Variants in PPIL4 observed in about 807,000 individuals in gnomAD.
PPIL4 encodes peptidylprolyl isomerase like 4.
A neutral mutation model predicts 69.1 loss-of-function variants in PPIL4; 50 were observed. The ratio of observed to expected loss-of-function variants is 0.72; its 90% CI spans 0.58 to 0.92. The LOEUF is 0.92. Ranked by LOEUF, PPIL4 falls within the 40% of genes least tolerant of loss-of-function variation. The pLI, the probability that PPIL4 is intolerant of heterozygous loss-of-function variation, is 0.00. For synonymous variants in PPIL4, 193 were observed against 191.6 expected, an observed-to-expected ratio of 1.01 and a Z score of -0.06; for missense variants, 480 against 587.9, an observed-to-expected ratio of 0.82 and a Z score of 1.90.
intron 10 of PPIL4, among the ~76,000 whole-genome samples, chr6:149,518,646 A>G (rs556427351): frequency 1.3e-4 from 20 of 152,360 alleles, no homozygotes; most frequent in African/African-American, 4.6e-4. Flanking sequence ...GTCTACTGCA[A>G]GAGTTAAAAT....
intron 7 of PPIL4, among the ~76,000 whole-genome samples, chr6:149,528,145 A>C (rs577017883): frequency 6.6e-6 from 1 of 152,340 alleles, no homozygotes; most frequent in South Asian, 2.1e-4. Context: ...CTAGCTATTC[A>C]GAAGGTTGGA....
chr6:149,537,184 G>C (rs1266390872), intron 4 of PPIL4, among the ~76,000 whole-genome samples: 1 of 151,158 alleles, frequency 6.6e-6, no homozygotes, highest in Non-Finnish European at 1.5e-5. Flanking sequence ...ATCTAGCTAA[G>C]ATCACTGATG....
Position 149,506,625 on chromosome 6 carries a change from T to C in PPIL4, c.1228-921A>G, listed in dbSNP as rs1209001694. Among the ~76,000 whole-genome samples the C allele has an allele frequency of 5.9e-5, 9 of 152,286 alleles. No individual in the cohort carries two copies. The East Asian group carries it at 1.7e-3, about 29-fold the overall frequency. On this transcript the variant is annotated intron_variant, in intron 12 of 12. Coordinates refer to ENST00000253329, the MANE Select transcript of PPIL4 (RefSeq NM_139126.4). ...GGAGAATTTTTTTTGAGACAAGGTC[T>C]TGCTGTCTCCCAGGCAGGAATGCAG...
chr6:149,509,472 C>T (rs1345159759), intron 12 of PPIL4, among the ~76,000 whole-genome samples: 1 of 152,124 alleles, frequency 6.6e-6, no homozygotes, highest in East Asian at 1.9e-4. Context: ...AAAAGCAGCA[C>T]ATGGAGGGGG....
At chr6:149,516,409 T>G (rs928545537) in intron 11 of PPIL4, among the ~76,000 whole-genome samples, 1 of 152,098 alleles carries the variant, frequency 6.6e-6, no homozygotes, top group African/African-American at 2.4e-5. Flanking sequence ...AAAACATGAA[T>G]ATAGACCAGG....
intron 9 of PPIL4, among the ~76,000 whole-genome samples, chr6:149,523,831 T>C (rs191795417): frequency 2.6e-5 from 4 of 152,338 alleles, no homozygotes; most frequent in Admixed American, 2.6e-4. Flanking sequence ...GTGTCAATGA[T>C]AGAATGCTAG....
intron 9 of PPIL4, among the ~76,000 whole-genome samples, chr6:149,521,386 G>A (rs927660887): frequency 1.3e-5 from 2 of 152,188 alleles, no homozygotes; most frequent in African/African-American, 4.8e-5. Context: ...GAAAACAGAA[G>A]TTTAGAGAAG....
At position 149,536,759 on chromosome 6, in the gene PPIL4, A is replaced by G. The variant is rs1455614261; in HGVS notation, c.322-1021T>C. Among the ~76,000 whole-genome samples, 3 of 152,074 alleles carry G rather than the reference A, an allele frequency of 2.0e-5. No individual in the cohort carries two copies. The East Asian group carries it at 5.8e-4, about 29-fold the overall frequency. ...ATCTCAAAAAAAAAAAAAAAAGAAA[A>G]GAAAAATTTAAGGAAAGAAGCTGTC... On this transcript the variant is annotated intron_variant, in intron 4 of 12. Transcript: ENST00000253329.
intron 4 of PPIL4, among the ~76,000 whole-genome samples, chr6:149,540,086 ACCACTGCACT>A (rs1777337738): frequency 6.6e-6 from 1 of 151,848 alleles, no homozygotes; most frequent in South Asian, 2.1e-4. Flanking sequence ...CCGAGATCAC[ACCACTGCACT>A]CCAGCCTGGC....
intron 7 of PPIL4, among the ~76,000 whole-genome samples, chr6:149,531,363 CAA>C (rs34176914): frequency 4.4e-4 from 29 of 65,832 alleles, no homozygotes; most frequent in African/African-American, 5.9e-4. Context: ...GATTCTGTCT[CAA>C]AAAAAAAAAA....
chr6:149,531,360 T>C (rs1358053016), intron 7 of PPIL4, among the ~76,000 whole-genome samples: 1 of 116,766 alleles, frequency 8.6e-6, no homozygotes, highest in Non-Finnish European at 1.7e-5. Context: ...CGAGATTCTG[T>C]CTCAAAAAAA....
intron 12 of PPIL4, among the ~76,000 whole-genome samples, chr6:149,507,753 T>C (rs1020610209): frequency 1.3e-5 from 2 of 152,188 alleles, no homozygotes; most frequent in Non-Finnish European, 2.9e-5. Flanking sequence ...TCACTCCTAC[T>C]CGGGAGTAGT....
chr6:149,521,294 C>T (rs978708060), intron 9 of PPIL4, 123 bp from the exon 10 acceptor site: 6 of 644,008 alleles, frequency 9.3e-6, no homozygotes, highest in African/African-American at 5.5e-5. Flanking sequence ...ATTACACACC[C>T]GATGCTGTTA....
rs796094209 is a variant in PPIL4, at chr6:149,514,700, T to TA, written c.1080-2399dup. 3.4e-3 allele frequency among the ~76,000 whole-genome samples: 497 copies of TA among 145,276 alleles called. 2 individuals carry two copies. Among genetic ancestry groups the TA allele is most frequent in the African/African-American group, 7.4e-3 (293 of 39,828 alleles). ...CTATTTAGTGGGCCACAACAGCATT[T>TA]AAAAAAAAAAACAGAAATACAGTAT... is the stretch of plus-strand genomic sequence containing the variant. On this transcript the variant is annotated intron_variant, in intron 11 of 12. Coordinates refer to ENST00000253329, the MANE Select transcript of PPIL4 (RefSeq NM_139126.4).
chr6:149,508,976 A>T (rs1161963086), intron 12 of PPIL4, among the ~76,000 whole-genome samples: 1 of 152,216 alleles, frequency 6.6e-6, no homozygotes, highest in Non-Finnish European at 1.5e-5. Flanking sequence ...AATGAATTTT[A>T]AAAAATAAAA....
intron 10 of PPIL4, among the ~76,000 whole-genome samples, 188 bp downstream of exon 10, chr6:149,520,872 G>A (rs1777019778): frequency 6.6e-6 from 1 of 151,990 alleles, no homozygotes; most frequent in African/African-American, 2.4e-5. Context: ...AATTAGCTGG[G>A]CATGGTGGCA....
intron 7 of PPIL4, among the ~76,000 whole-genome samples, chr6:149,527,077 G>A (rs186697741): frequency 2.3e-4 from 35 of 152,306 alleles, no homozygotes; most frequent in East Asian, 5.8e-4. Flanking sequence ...CAAGTAAAGC[G>A]GCTGAGCATG....
At chr6:149,531,473 T>C (rs368313765) in intron 7 of PPIL4, among the ~76,000 whole-genome samples, 28 of 147,480 alleles carry the variant, frequency 1.9e-4, no homozygotes, top group African/African-American at 7.1e-4. Context: ...GAGGTGGAGG[T>C]TGCAGTGAGC....
chr6:149,519,344 T>C (rs1036787205), intron 10 of PPIL4, among the ~76,000 whole-genome samples: 4 of 152,202 alleles, frequency 2.6e-5, no homozygotes, highest in African/African-American at 9.7e-5. Context: ...ACTAGCTCTT[T>C]GGAAGCAGAG....
Sources: allele counts gnomAD v4.1 joint callset (sites outside exome capture counted in the v4.1 genomes callset), GRCh38; gene constraint gnomAD v4.1.1; transcripts MANE v1.5; gene names NCBI Gene and HGNC (gene_info 2026-07-23, HGNC 2026-07-21).